Variants in MPPED2 observed in about 807,000 individuals in gnomAD.
MPPED2 encodes metallophosphoesterase domain containing 2, also known as metallophosphoesterase MPPED2.
Under a neutral mutation model 33.0 loss-of-function variants are expected in MPPED2, and 5 were observed. The observed-to-expected ratio is 0.15, with a 90% confidence interval of 0.08 to 0.32. The LOEUF is 0.32. Ranked by LOEUF, MPPED2 falls within the 10% of genes least tolerant of loss-of-function variation. The pLI is 1.00. For missense variants in MPPED2, 275 were observed against 372.1 expected, an observed-to-expected ratio of 0.74 and a Z score of 2.15; for synonymous variants, 136 against 141.9, an observed-to-expected ratio of 0.96 and a Z score of 0.29.
intron 2 of MPPED2, among the ~76,000 whole-genome samples, chr11:30,575,481 C>T (rs554344647): frequency 1.3e-4 from 20 of 152,300 alleles, no homozygotes; most frequent in Admixed American, 2.6e-4. Context: ...CACCCAGCCA[C>T]GCCAGTAACT....
Position 30,585,126 on chromosome 11 carries a change from A to G in MPPED2, c.-122+916T>C, listed in dbSNP as rs550625199. ...CCCCCTTCACCTCCTAGGCCGCAAA[A>G]CCCCGGAATTCAAAGGCTTTACAAA... On this transcript the variant is annotated intron_variant, in intron 1 of 6. Transcript: ENST00000358117. 9.9e-5 allele frequency among the ~76,000 whole-genome samples: 15 copies of G among 151,972 alleles called. No homozygotes were observed. The East Asian group carries it at 2.7e-3, about 28-fold the overall frequency.
chr11:30,400,752 A>T (rs622059), intron 6 of MPPED2, among the ~76,000 whole-genome samples: 1 of 151,724 alleles, frequency 6.6e-6, no homozygotes, highest in Non-Finnish European at 1.5e-5. Flanking sequence ...TCCAATACAT[A>T]TCATCAAACA....
chr11:30,477,028 C>T (rs75025679), intron 4 of MPPED2, among the ~76,000 whole-genome samples: 3,582 of 152,130 alleles, frequency 0.024, 72 homozygotes, highest in Admixed American at 0.058. Context: ...TTTTATGCTG[C>T]AATTATGAAA....
At chr11:30,457,468 C>T (rs1014644350) in intron 4 of MPPED2, among the ~76,000 whole-genome samples, 2 of 151,306 alleles carry the variant, frequency 1.3e-5, no homozygotes, top group African/African-American at 4.9e-5. Context: ...TTTGTATTTT[C>T]AAATTGTTGG....
At chr11:30,417,674 C>T in intron 4 of MPPED2, 41 bp from the exon 5 acceptor site, 5 of 1,153,826 alleles carry the variant, frequency 4.3e-6, no homozygotes, top group Non-Finnish European at 6.5e-6. Flanking sequence ...GCCAGCAGAG[C>T]CACGGCTCCG....
chr11:30,397,078 T>C (rs1405971327), intron 6 of MPPED2, among the ~76,000 whole-genome samples: 2 of 152,164 alleles, frequency 1.3e-5, no homozygotes, highest in African/African-American at 2.4e-5. Context: ...TGTATGTAAA[T>C]TGTAACATTA....
At chr11:30,570,550 G>T (rs930973798) in intron 2 of MPPED2, among the ~76,000 whole-genome samples, 2 of 152,114 alleles carry the variant, frequency 1.3e-5, no homozygotes, top group Non-Finnish European at 2.9e-5. Context: ...GGCTTCGGTG[G>T]TTATCTTTGA....
intron 4 of MPPED2, among the ~76,000 whole-genome samples, chr11:30,456,540 C>CTG (rs1226210330): frequency 1.8e-3 from 267 of 151,940 alleles, no homozygotes; most frequent in African/African-American, 6.1e-3. Flanking sequence ...CTCCCCAATC[C>CTG]TGTGTGTGTG....
intron 1 of MPPED2, among the ~76,000 whole-genome samples, chr11:30,585,467 G>C (rs1957419318): frequency 6.6e-6 from 1 of 152,014 alleles, no homozygotes; most frequent in Non-Finnish European, 1.5e-5. Context: ...ACCTGGCCTC[G>C]GGCCGCCGCG....
chr11:30,466,770 T>A (rs1950723920), intron 4 of MPPED2, among the ~76,000 whole-genome samples: 1 of 152,194 alleles, frequency 6.6e-6, no homozygotes, highest in Non-Finnish European at 1.5e-5. Context: ...TGGCCCCAAA[T>A]ACCTACTGCA....
intron 4 of MPPED2, among the ~76,000 whole-genome samples, chr11:30,473,371 C>T (rs192935458): frequency 1.3e-5 from 2 of 152,164 alleles, no homozygotes; most frequent in Non-Finnish European, 2.9e-5. Context: ...CTCCATCTTG[C>T]CAAAGGTCCT....
At chr11:30,495,948 T>G (rs1329768916) in intron 3 of MPPED2, among the ~76,000 whole-genome samples, 1 of 152,222 alleles carries the variant, frequency 6.6e-6, no homozygotes, top group African/African-American at 2.4e-5. Flanking sequence ...TACTAGATTT[T>G]TAGTATATGC....
downstream of MPPED2, among the ~76,000 whole-genome samples, chr11:30,409,872 G>A (rs1948045442): frequency 6.6e-6 from 1 of 152,134 alleles, no homozygotes; most frequent in Admixed American, 6.5e-5. Flanking sequence ...AATGTGCAGT[G>A]ATTACTCTGT....
At chr11:30,415,750 A>G (rs965866888) in intron 5 of MPPED2, among the ~76,000 whole-genome samples, 1 of 152,216 alleles carries the variant, frequency 6.6e-6, no homozygotes, top group African/African-American at 2.4e-5. Context: ...GGATGTCTGA[A>G]ATCCTTGGAG....
rs567811130 is a variant in MPPED2 at position 30,520,208 on chromosome 11, A to G, written c.310+15786T>C. Among the ~76,000 whole-genome samples, 42 of 152,330 alleles carry G rather than the reference A, an allele frequency of 2.8e-4. 3 individuals are homozygous for G. The South Asian group carries it at 5.8e-3, about 21-fold the overall frequency. On this transcript the variant is annotated intron_variant, in intron 3 of 6. Coordinates refer to ENST00000358117, the MANE Select transcript of MPPED2 (RefSeq NM_001584.3). ...GCTCTTAAAATTTGAACAGCTAAAA[A>G]AAATGTAAAAAATGTAAAAAAAGTT...
intron 3 of MPPED2, among the ~76,000 whole-genome samples, chr11:30,529,108 T>C (rs1954364849): frequency 6.6e-6 from 1 of 152,194 alleles, no homozygotes; most frequent in Non-Finnish European, 1.5e-5. Context: ...CAGAATGCTA[T>C]GCTGACACAG....
rs555144381 is a variant in MPPED2, at chr11:30,583,608, G to C, written c.-122+2434C>G. Among the ~76,000 whole-genome samples, 10 of 152,216 alleles carry C rather than the reference G, an allele frequency of 6.6e-5. No homozygotes were observed. In the East Asian group the frequency reaches 1.7e-3, roughly 26 times the overall value. On this transcript the variant is annotated intron_variant, in intron 1 of 6. Coordinates refer to ENST00000358117, the MANE Select transcript of MPPED2 (RefSeq NM_001584.3). ...TTCTGTCCTTTAAGCTGTACAACTAGCAATATTCTTTTCCAGGAATCTAGT... is the reference window on the plus strand; with the variant it reads ...TTCTGTCCTTTAAGCTGTACAACTACCAATATTCTTTTCCAGGAATCTAGT...
rs766624066 is a variant in MPPED2 at position 30,411,599 on chromosome 11, C to T, written c.767-13G>A. The T allele has an allele frequency of 9.3e-6, 15 of 1,605,144 alleles. No individual in the cohort carries two copies. The highest frequency in any genetic ancestry group is 3.3e-5 in the Admixed American group (2 of 59,808). ...ATGATGCCATAACCTGTGGGGAGAGCGTGTCACATTTACTGTAATATATAC... is the reference window on the plus strand; with the variant it reads ...ATGATGCCATAACCTGTGGGGAGAGTGTGTCACATTTACTGTAATATATAC... On this transcript the variant is annotated splice_polypyrimidine_tract_variant and intron_variant, in intron 6 of 6. Transcript: ENST00000358117.
At chr11:30,504,689 C>A in intron 3 of MPPED2, 1 of 947,634 alleles carries the variant, frequency 1.1e-6, no homozygotes, top group Non-Finnish European at 1.5e-6. Context: ...CCCCGTCAGG[C>A]TCCATTAATT....
Sources: allele counts gnomAD v4.1 joint callset (sites outside exome capture counted in the v4.1 genomes callset), GRCh38; gene constraint gnomAD v4.1.1; transcripts MANE v1.5; gene names NCBI Gene and HGNC (gene_info 2026-07-23, HGNC 2026-07-21).